Variants in LRRC75A observed in about 807,000 individuals in gnomAD.
The protein encoded by LRRC75A is leucine rich repeat containing 75A.
A neutral mutation model predicts 26.0 loss-of-function variants in LRRC75A; 12 were observed. That is an observed-to-expected ratio of 0.46 (90% CI 0.30 to 0.75). LRRC75A has a LOEUF of 0.75. LRRC75A is among the 30% of genes least tolerant of loss of function. The pLI, the probability that LRRC75A is intolerant of heterozygous loss-of-function variation, is 0.08. For synonymous variants in LRRC75A, 223 were observed against 219.3 expected, an observed-to-expected ratio of 1.02 and a Z score of -0.15; for missense variants, 410 against 486.6, an observed-to-expected ratio of 0.84 and a Z score of 1.48.
chr17:16,451,705 T>G (rs769671348), intron 2 of LRRC75A, among the ~76,000 whole-genome samples: 5 of 152,002 alleles, frequency 3.3e-5, no homozygotes, highest in African/African-American at 4.8e-5. Context: ...GAGCTGTGCT[T>G]CTTTACCTTG....
intron 1 of LRRC75A, among the ~76,000 whole-genome samples, chr17:16,464,374 C>T (rs2093752090): frequency 6.6e-6 from 1 of 152,152 alleles, no homozygotes; most frequent in Non-Finnish European, 1.5e-5. Flanking sequence ...CTGGCCCTGC[C>T]CTGGCTTTTT....
chr17:16,454,040 C>T lies in LRRC75A; in HGVS notation c.376-6080G>A, dbSNP rs1163887816. Among the ~76,000 whole-genome samples the T allele has an allele frequency of 2.6e-5, 4 of 152,172 alleles. No homozygotes were observed. The East Asian group carries it at 7.7e-4, about 29-fold the overall frequency. On this transcript the variant is annotated intron_variant, in intron 2 of 3. Coordinates refer to ENST00000470794, the MANE Select transcript of LRRC75A (RefSeq NM_001113567.3). ...TCGGCCTATCACCATTAGATCACACCCTTTGTCCAATCGCATTTCTACAAG... is the reference window on the plus strand; with the variant it reads ...TCGGCCTATCACCATTAGATCACACTCTTTGTCCAATCGCATTTCTACAAG...
intron 2 of LRRC75A, among the ~76,000 whole-genome samples, chr17:16,454,011 C>T (rs2093656342): frequency 6.6e-6 from 1 of 152,176 alleles, no homozygotes; most frequent in Non-Finnish European, 1.5e-5. Flanking sequence ...CTTCCTGGGT[C>T]CCCTCGGCCT....
rs549370695 is a variant in LRRC75A at position 16,480,873 on chromosome 17, G to A, written c.246+10872C>T. Among the ~76,000 whole-genome samples, 6 of 152,276 alleles carry A rather than the reference G, an allele frequency of 3.9e-5. No individual in the cohort carries two copies. The South Asian group carries it at 1.2e-3, about 32-fold the overall frequency. Reference sequence around the variant, plus strand: ...CTCAGAAAACACCAAGTTTTTCACTGGGACAGACCCAGGCATCACTTCCAG... The same window carrying A: ...CTCAGAAAACACCAAGTTTTTCACTAGGACAGACCCAGGCATCACTTCCAG... On this transcript the variant is annotated intron_variant, in intron 1 of 3. Coordinates refer to ENST00000470794, the MANE Select transcript of LRRC75A (RefSeq NM_001113567.3).
intron 1 of LRRC75A, among the ~76,000 whole-genome samples, chr17:16,474,017 T>G (rs964049904): frequency 6.6e-6 from 1 of 152,208 alleles, no homozygotes; most frequent in African/African-American, 2.4e-5. Flanking sequence ...TGTAACTTAA[T>G]TAAAATCCGA....
intron 2 of LRRC75A, among the ~76,000 whole-genome samples, chr17:16,451,181 C>T (rs1225695088): frequency 1.3e-5 from 2 of 152,104 alleles, no homozygotes; most frequent in Non-Finnish European, 2.9e-5. Flanking sequence ...ATCAGAGCAG[C>T]AGGAGTAGTG....
rs2093557076 is a variant in LRRC75A, at chr17:16,443,940, G to A, written c.683C>T (p.Thr228Ile). The A allele has an allele frequency of 1.2e-6, 2 of 1,613,404 alleles. No individual in the cohort carries two copies. The highest frequency in any genetic ancestry group is 3.3e-5 in the Admixed American group (2 of 60,022). ...MVLQLLPALS[T>I]LPRLTTLALN... Reference sequence around the variant, plus strand: ...TGCCAGTGTGGTGAGGCGGGGCAGGGTGCTGAGTGCTGGCAGCAGCTGCAG... The same window carrying A: ...TGCCAGTGTGGTGAGGCGGGGCAGGATGCTGAGTGCTGGCAGCAGCTGCAG... The change falls in exon 4 of 4, where the codon ACC becomes ATC. Residue 228 changes from threonine (T) to isoleucine (I), a missense_variant. Physicochemically the swap from Thr to Ile is moderately conservative, Grantham distance 89 (BLOSUM62 -1). Coordinates refer to ENST00000470794, the MANE Select transcript of LRRC75A (RefSeq NM_001113567.3).
At chr17:16,474,160 G>A (rs754082497) in intron 1 of LRRC75A, among the ~76,000 whole-genome samples, 1 of 109,828 alleles carries the variant, frequency 9.1e-6, no homozygotes, top group African/African-American at 4.4e-5. Context: ...CTGCCCACAC[G>A]TGGCTGACGG....
At chr17:16,450,404 C>T (rs1478076578) in intron 2 of LRRC75A, among the ~76,000 whole-genome samples, 1 of 152,068 alleles carries the variant, frequency 6.6e-6, no homozygotes, top group African/African-American at 2.4e-5. Flanking sequence ...TTGGAGGAGG[C>T]CCCTGGGCTC....
intron 1 of LRRC75A, among the ~76,000 whole-genome samples, chr17:16,488,142 G>A (rs58779273): frequency 0.11 from 16,796 of 152,220 alleles, 1,406 homozygotes; most frequent in African/African-American, 0.24. Context: ...CTCTCTCAAT[G>A]GCGGAAGGTT....
At chr17:16,445,100 C>T (rs4327089) in intron 3 of LRRC75A, among the ~76,000 whole-genome samples, 52,288 of 148,306 alleles carry the variant, frequency 0.35, 9,580 homozygotes, top group Non-Finnish European at 0.38. Context: ...CCACCCATCT[C>T]GGCCTCCCAA....
At chr17:16,452,992 TAAAAG>T (rs1368055184) in intron 2 of LRRC75A, among the ~76,000 whole-genome samples, 2 of 151,864 alleles carry the variant, frequency 1.3e-5, no homozygotes, top group African/African-American at 2.4e-5. Flanking sequence ...AGCTGAGCCT[TAAAAG>T]AAGAGAATAG....
chr17:16,489,334 C>A (rs770316779), intron 1 of LRRC75A, among the ~76,000 whole-genome samples: 10 of 152,162 alleles, frequency 6.6e-5, no homozygotes, highest in Non-Finnish European at 1.0e-4. Flanking sequence ...TGACTCCCAC[C>A]CCAGAGGCCT....
intron 2 of LRRC75A, among the ~76,000 whole-genome samples, chr17:16,452,963 C>T (rs117600701): frequency 0.014 from 2,139 of 152,172 alleles, 30 homozygotes; most frequent in Non-Finnish European, 0.023. Flanking sequence ...AAATCCCTGT[C>T]CACCCTCTCA....
chr17:16,456,259 CAGGAAGAGGAGGAGG>C lies in LRRC75A; in HGVS notation c.375+5984_375+5998del, dbSNP rs1359941618. On this transcript the variant is annotated intron_variant, in intron 2 of 3. Coordinates refer to ENST00000470794, the MANE Select transcript of LRRC75A (RefSeq NM_001113567.3). The stretch of plus-strand genomic sequence containing the variant: ...AAAGGAGGAGAAGAAGGAAGAGGAT[CAGGAAGAGGAGGAGG>C]AGGAAGAGGAGGAGGAAGAGAAGGA... Among the ~76,000 whole-genome samples the C allele has an allele frequency of 7.0e-5, 6 of 85,276 alleles. 1 individual carries two copies. The highest frequency in any genetic ancestry group is 1.3e-4 in the Non-Finnish European group (6 of 45,392). 55.9% of individuals were successfully genotyped at this position (85,276 alleles called of 152,430 possible).
At chr17:16,468,603 G>A (rs190428560) in intron 1 of LRRC75A, among the ~76,000 whole-genome samples, 8 of 152,274 alleles carry the variant, frequency 5.3e-5, no homozygotes, top group Non-Finnish European at 8.8e-5. Flanking sequence ...CACAGTGTCC[G>A]TTTTGCAAGA....
chr17:16,483,366 G>A lies in LRRC75A; in HGVS notation c.246+8379C>T, dbSNP rs2093838993. Reference sequence around the variant, plus strand: ...GGACTGCGGTCAGCACAGACAGGTTGGCCTCGGCAGTATGGGGGTCGGCCC... The same window carrying A: ...GGACTGCGGTCAGCACAGACAGGTTAGCCTCGGCAGTATGGGGGTCGGCCC... On this transcript the variant is annotated intron_variant, in intron 1 of 3. Coordinates refer to ENST00000470794, the MANE Select transcript of LRRC75A (RefSeq NM_001113567.3). Among the ~76,000 whole-genome samples the A allele has an allele frequency of 2.0e-5, 3 of 152,236 alleles. No individual in the cohort carries two copies. The South Asian group carries it at 6.2e-4, about 31-fold the overall frequency.
At chr17:16,451,224 G>GT (rs1243896694) in intron 2 of LRRC75A, among the ~76,000 whole-genome samples, 1 of 152,136 alleles carries the variant, frequency 6.6e-6, no homozygotes, top group Non-Finnish European at 1.5e-5. Context: ...GACTAATGGG[G>GT]TTAGACCCCC....
chr17:16,468,504 A>G (rs946525651), intron 1 of LRRC75A, among the ~76,000 whole-genome samples: 1 of 152,242 alleles, frequency 6.6e-6, no homozygotes, highest in Non-Finnish European at 1.5e-5. Flanking sequence ...AGGTATGTAG[A>G]CTAGTTAATT....
Sources: allele counts gnomAD v4.1 joint callset (sites outside exome capture counted in the v4.1 genomes callset), GRCh38; gene constraint gnomAD v4.1.1; transcripts MANE v1.5; gene names NCBI Gene and HGNC (gene_info 2026-07-23, HGNC 2026-07-21).